Variants in AHRR observed in about 807,000 individuals in gnomAD.
AHRR encodes the protein ahR repressor.
Under a neutral mutation model 44.0 loss-of-function variants are expected in AHRR, and 28 were observed. The ratio of observed to expected loss-of-function variants is 0.64; its 90% confidence interval spans 0.47 to 0.87. AHRR has a LOEUF of 0.87. Ranked by LOEUF, AHRR falls within the 40% of genes least tolerant of loss-of-function variation. The probability of loss-of-function intolerance (pLI) is 0.00; values close to 1 mark genes in which losing one functional copy is unlikely to be tolerated. For synonymous variants in AHRR, 434 were observed against 407.0 expected (o/e 1.07, Z -0.80); for missense variants, 990 against 953.9 (o/e 1.04, Z -0.50).
chr5:420,186 G>C (rs1413156360), intron 5 of AHRR, among the ~76,000 whole-genome samples: 1 of 152,232 alleles, frequency 6.6e-6, no homozygotes, highest in Non-Finnish European at 1.5e-5. Context: ...TATCCAGAGT[G>C]AACACTGAAG....
intron 4 of AHRR, 99 bp from the exon 5 acceptor site, chr5:413,245 C>A: frequency 2.4e-6 from 2 of 820,062 alleles, no homozygotes; most frequent in Non-Finnish European, 3.9e-6. Flanking sequence ...GACTACAAAA[C>A]AGGAGGAAAT....
At chr5:403,600 T>G (rs886161432) in intron 4 of AHRR, 10 of 448,976 alleles carry the variant, frequency 2.2e-5, no homozygotes, top group African/African-American at 2.1e-4. Flanking sequence ...CGCACCACAC[T>G]GTACTCCAGC....
rs925051533 is a variant in AHRR, at chr5:388,397, C to G, written c.351+11681C>G. Among the ~76,000 whole-genome samples, 1 of 152,202 alleles carries G rather than the reference C, an allele frequency of 6.6e-6. No homozygotes were observed. The highest frequency in any genetic ancestry group is 1.5e-5 in the Non-Finnish European group (1 of 68,024). ...CCATCGATGGCTATGGGGAGGGTAC[C>G]TGCCATTACCTCTGTTTATGCTTGG... On this transcript the variant is annotated intron_variant, in intron 4 of 10. Transcript: ENST00000684583. This position sits in a 1 kb window ranked among gnomAD's most constrained non-coding sequence, Gnocchi z 5.2.
Position 383,410 on chromosome 5 carries a change from G to T in AHRR, c.351+6694G>T, listed in dbSNP as rs1438452034. On this transcript the variant is annotated intron_variant, in intron 4 of 10. Coordinates refer to ENST00000684583, the MANE Select transcript of AHRR (RefSeq NM_001377236.1). This position sits in a 1 kb window ranked among gnomAD's most constrained non-coding sequence, Gnocchi z 4.0. Reference sequence around the variant, plus strand: ...TTCAGATTTTGCATTATGTATTTTGGAATTCTGTTTTAGGGTACATACTCA... The same window carrying T: ...TTCAGATTTTGCATTATGTATTTTGTAATTCTGTTTTAGGGTACATACTCA... Among the ~76,000 whole-genome samples, 1 of 152,028 alleles carries T rather than the reference G, an allele frequency of 6.6e-6. No homozygotes were observed. Among genetic ancestry groups the T allele is most frequent in the Non-Finnish European group, 1.5e-5 (1 of 67,990 alleles).
intron 8 of AHRR, among the ~76,000 whole-genome samples, chr5:430,047 C>T (rs1451085610): frequency 6.6e-6 from 1 of 152,336 alleles, no homozygotes; most frequent in East Asian, 1.9e-4. Flanking sequence ...CCGGAGCAGA[C>T]GTCCCCGCCC....
rs1579715650 is a variant in AHRR, at chr5:432,199, A to T, written c.909-264A>T. 5 of 440,020 alleles carry T rather than the reference A, an allele frequency of 1.1e-5. No individual in the cohort carries two copies. In the East Asian group the frequency reaches 2.2e-4, roughly 20 times the overall value. 27.3% of individuals were successfully genotyped at this position (440,020 alleles called of 1,614,324 possible). On this transcript the variant is annotated intron_variant, in intron 8 of 10. Transcript: ENST00000684583. The stretch of plus-strand genomic sequence containing the variant: ...GCTCTAAAAATCATCCTATGATTTT[A>T]TCCTTCTACTTTCTGAAGCAAATTC...
chr5:329,193 C>T (rs1372151642), intron 1 of AHRR, among the ~76,000 whole-genome samples: 1 of 151,822 alleles, frequency 6.6e-6, no homozygotes, highest in Non-Finnish European at 1.5e-5. Flanking sequence ...TTTTCTTCTC[C>T]TCCTCCTTCT....
rs527302644 is a variant in AHRR, at chr5:331,824, C to G, written c.-11+10005C>G. ...TAGGTTGCACGTTCCTTATGATAAT[C>G]TAATGCCTAATAATCTGAGATGGAA... is the stretch of plus-strand genomic sequence containing the variant. On this transcript the variant is annotated intron_variant, in intron 1 of 10. Coordinates refer to ENST00000684583, the MANE Select transcript of AHRR (RefSeq NM_001377236.1). Among the ~76,000 whole-genome samples, 3 of 152,302 alleles carry G rather than the reference C, an allele frequency of 2.0e-5. No homozygotes were observed. In the East Asian group the frequency reaches 5.8e-4, roughly 29 times the overall value.
intron 5 of AHRR, among the ~76,000 whole-genome samples, chr5:416,480 G>T (rs1431829924): frequency 6.6e-6 from 1 of 152,254 alleles, no homozygotes; most frequent in Admixed American, 6.5e-5. Context: ...CACAGGCTTT[G>T]CTGAGTGTGC....
intron 1 of AHRR, among the ~76,000 whole-genome samples, chr5:327,650 C>G (rs1371030336): frequency 6.6e-6 from 1 of 152,196 alleles, no homozygotes; most frequent in African/African-American, 2.4e-5. Flanking sequence ...TATTCCATCT[C>G]TTTGCGATTG....
intron 4 of AHRR, among the ~76,000 whole-genome samples, chr5:412,579 C>T (rs4956936): frequency 0.59 from 89,749 of 152,082 alleles, 29,250 homozygotes; most frequent in Non-Finnish European, 0.73. Flanking sequence ...AAGTCATGAT[C>T]AAAGGGGCTT....
chr5:322,853 G>A (rs911720228), intron 1 of AHRR, among the ~76,000 whole-genome samples: 2 of 152,244 alleles, frequency 1.3e-5, no homozygotes, highest in Non-Finnish European at 2.9e-5. Flanking sequence ...GAGCCGCTTC[G>A]ACGGGGGGGA....
At chr5:328,520 G>C (rs1741801914) in intron 1 of AHRR, among the ~76,000 whole-genome samples, 1 of 151,894 alleles carries the variant, frequency 6.6e-6, no homozygotes, top group Non-Finnish European at 1.5e-5. Context: ...CAAAGTTCTG[G>C]GATTACAGGC....
chr5:355,712 G>A (rs1175307139), intron 3 of AHRR, among the ~76,000 whole-genome samples: 2 of 152,216 alleles, frequency 1.3e-5, no homozygotes, highest in Non-Finnish European at 2.9e-5. Context: ...GCCCCAAGCC[G>A]GGGCAATGGC....
chr5:419,646 C>T lies in AHRR; in HGVS notation c.442-3083C>T, dbSNP rs967539066. On this transcript the variant is annotated intron_variant, in intron 5 of 10. Transcript: ENST00000684583. This position sits in a 1 kb window ranked among gnomAD's most constrained non-coding sequence, Gnocchi z 4.4. ...GTTTGGAGCCATATTTCCCATTGTC[C>T]TGGCAAAGCCGGGGCCCTCCATGGT... Among the ~76,000 whole-genome samples the T allele has an allele frequency of 2.6e-5, 4 of 152,132 alleles. No homozygotes were observed. The highest frequency in any genetic ancestry group is 9.7e-5 in the African/African-American group (4 of 41,418).
chr5:323,093 G>T (rs1368351670), intron 1 of AHRR, among the ~76,000 whole-genome samples: 2 of 152,212 alleles, frequency 1.3e-5, no homozygotes, highest in African/African-American at 4.8e-5. Context: ...GGAGTCTGTC[G>T]AGGCCCCACC....
intron 4 of AHRR, among the ~76,000 whole-genome samples, chr5:398,953 G>A (rs948953871): frequency 1.3e-5 from 2 of 152,338 alleles, no homozygotes; most frequent in African/African-American, 2.4e-5. Context: ...CCACCGTGGC[G>A]CACCTCATTC....
In AHRR at chr5:387,494, A is replaced by ATG. The variant is rs917096428; in HGVS notation, c.351+10781_351+10782dup. ...GGACGGATTTTCTCTCCAGGTGCTT[A>ATG]TGTGCACACAAACCTTTGCCACAGC... On this transcript the variant is annotated intron_variant, in intron 4 of 10. Transcript: ENST00000684583. This position sits in a 1 kb window ranked among gnomAD's most constrained non-coding sequence, Gnocchi z 5.1. Among the ~76,000 whole-genome samples the ATG allele has an allele frequency of 6.6e-6, 1 of 152,152 alleles. No homozygotes were observed. The highest frequency in any genetic ancestry group is 2.4e-5 in the African/African-American group (1 of 41,438).
In AHRR at chr5:423,440, C is replaced by T. The variant is rs187660211; in HGVS notation, c.572-401C>T. The stretch of plus-strand genomic sequence containing the variant: ...GCTCTGAGGAGAGGCGACACCTGCC[C>T]GCGGTCCTGTGCAGAGGGTGGCTCC... On this transcript the variant is annotated intron_variant, in intron 6 of 10. Coordinates refer to ENST00000684583, the MANE Select transcript of AHRR (RefSeq NM_001377236.1). Among the ~76,000 whole-genome samples, 540 of 152,248 alleles carry T rather than the reference C, an allele frequency of 3.5e-3. 3 individuals carry two copies. The highest frequency in any genetic ancestry group is 3.4e-3 in the Middle Eastern group (1 of 294).
Sources: allele counts gnomAD v4.1 joint callset (sites outside exome capture counted in the v4.1 genomes callset), GRCh38; gene constraint gnomAD v4.1.1; non-coding constraint Gnocchi (gnomAD v3.1); transcripts MANE v1.5; gene names NCBI Gene and HGNC (gene_info 2026-07-23, HGNC 2026-07-21).